The following PLCXD3 variants were observed in gnomAD, a reference collection of about 807,000 sequenced individuals.
PLCXD3 encodes the protein phosphatidylinositol specific phospholipase C X domain containing 3, also known as PI-PLC X domain-containing protein 3.
Under a neutral mutation model 25.5 loss-of-function variants are expected in PLCXD3, and 19 were observed. That is an observed-to-expected ratio of 0.75 (90% CI 0.52 to 1.09). PLCXD3 has a LOEUF of 1.09. Ranked by LOEUF, PLCXD3 falls within the 50% of genes least tolerant of loss-of-function variation. PLCXD3 has a pLI of 0.00. For synonymous variants in PLCXD3, 174 were observed against 137.6 expected (o/e 1.26, Z -1.85); for missense variants, 411 against 388.1 (o/e 1.06, Z -0.50).
chr5:41,402,883 T>C (rs1264216963), intron 1 of PLCXD3, among the ~76,000 whole-genome samples: 1 of 152,074 alleles, frequency 6.6e-6, no homozygotes, highest in Non-Finnish European at 1.5e-5. Flanking sequence ...TTTTAACTTA[T>C]TTGTGTTTAG....
At chr5:41,326,197 A>C (rs992848293) in intron 2 of PLCXD3, among the ~76,000 whole-genome samples, 1 of 152,132 alleles carries the variant, frequency 6.6e-6, no homozygotes, top group Non-Finnish European at 1.5e-5. Flanking sequence ...CATTCATCTA[A>C]CAAAGATGTA....
chr5:41,452,110 T>G (rs1747646378), intron 1 of PLCXD3, among the ~76,000 whole-genome samples: 1 of 152,066 alleles, frequency 6.6e-6, no homozygotes, highest in Admixed American at 6.6e-5. Flanking sequence ...TGAACAGCCC[T>G]GATTCTGTCT....
rs192453035 is a variant in PLCXD3 at position 41,387,029 on chromosome 5, C to T, written c.104-4495G>A. On this transcript the variant is annotated intron_variant, in intron 1 of 2. Coordinates refer to ENST00000377801, the MANE Select transcript of PLCXD3 (RefSeq NM_001005473.3). The stretch of plus-strand genomic sequence containing the variant: ...TGGTTATTCAGGGAGTTACTCCTCA[C>T]TGAGCACTCCATCTGCATATCATGC... Among the ~76,000 whole-genome samples, 34 of 152,188 alleles carry T rather than the reference C, an allele frequency of 2.2e-4. 1 individual carries two copies. In the East Asian group the frequency reaches 3.5e-3, roughly 16 times the overall value.
chr5:41,397,289 C>T (rs564947696), intron 1 of PLCXD3, among the ~76,000 whole-genome samples: 32 of 152,172 alleles, frequency 2.1e-4, no homozygotes, highest in Admixed American at 6.5e-4. Flanking sequence ...GCACTGCATT[C>T]CAGCTGCCCC....
At chr5:41,440,767 GTTAT>G (rs1266408014) in intron 1 of PLCXD3, among the ~76,000 whole-genome samples, 1 of 152,030 alleles carries the variant, frequency 6.6e-6, no homozygotes, top group Non-Finnish European at 1.5e-5. Flanking sequence ...CGATAACCGT[GTTAT>G]TTCTTTCTCC....
At chr5:41,391,563 G>T (rs190663723) in intron 1 of PLCXD3, among the ~76,000 whole-genome samples, 2 of 152,128 alleles carry the variant, frequency 1.3e-5, no homozygotes, top group Non-Finnish European at 2.9e-5. Flanking sequence ...AGTGATATCC[G>T]GGTACTACAT....
chr5:41,469,888 C>A (rs1460354340), intron 1 of PLCXD3, among the ~76,000 whole-genome samples: 3 of 152,090 alleles, frequency 2.0e-5, no homozygotes, highest in African/African-American at 4.8e-5. Context: ...TCTTAGGTAC[C>A]AATAAAGGTT....
intron 2 of PLCXD3, among the ~76,000 whole-genome samples, chr5:41,351,612 G>C (rs1744461632): frequency 6.6e-6 from 1 of 152,174 alleles, no homozygotes; most frequent in Non-Finnish European, 1.5e-5. Context: ...ACCTTGGCTT[G>C]TGGTCTTCAG....
intron 2 of PLCXD3, among the ~76,000 whole-genome samples, chr5:41,363,794 T>C (rs1274093207): frequency 6.6e-6 from 1 of 152,242 alleles, no homozygotes; most frequent in Non-Finnish European, 1.5e-5. Context: ...TTCTTAAAAT[T>C]GCTTCAGTAT....
chr5:41,427,396 T>TGAA (rs59008234), intron 1 of PLCXD3, among the ~76,000 whole-genome samples: 136,918 of 151,984 alleles, frequency 0.9, 62,072 homozygotes, highest in Non-Finnish European at 0.94. Flanking sequence ...TTAAATTCAG[T>TGAA]GAAGACTTGC....
At chr5:41,470,911 A>C (rs1193554991) in intron 1 of PLCXD3, among the ~76,000 whole-genome samples, 2 of 152,206 alleles carry the variant, frequency 1.3e-5, no homozygotes, top group East Asian at 1.9e-4. Context: ...AGTGCACCCT[A>C]TCAAAGCAAG....
At chr5:41,427,985 A>T (rs949080079) in intron 1 of PLCXD3, among the ~76,000 whole-genome samples, 1 of 152,168 alleles carries the variant, frequency 6.6e-6, no homozygotes, top group Admixed American at 6.5e-5. Flanking sequence ...TAGGGGAGCC[A>T]CCCTGTAAAT....
At chr5:41,489,714 C>G (rs914956517) in intron 1 of PLCXD3, among the ~76,000 whole-genome samples, 1 of 152,072 alleles carries the variant, frequency 6.6e-6, no homozygotes, top group African/African-American at 2.4e-5. Context: ...TGGGAGTTCA[C>G]TCATGATTTG....
At chr5:41,488,173 TG>T in intron 1 of PLCXD3, among the ~76,000 whole-genome samples, 2 of 149,928 alleles carry the variant, frequency 1.3e-5, no homozygotes, top group Non-Finnish European at 3.0e-5. Context: ...GAATATGCGG[TG>T]TTTGTTTGGT....
At chr5:41,417,758 C>T (rs911368302) in intron 1 of PLCXD3, among the ~76,000 whole-genome samples, 3 of 152,114 alleles carry the variant, frequency 2.0e-5, no homozygotes, top group Admixed American at 6.5e-5. Flanking sequence ...TAGGACTTTC[C>T]CAAGGAACCA....
At chr5:41,451,635 CT>C (rs1747633701) in intron 1 of PLCXD3, among the ~76,000 whole-genome samples, 1 of 150,234 alleles carries the variant, frequency 6.7e-6, no homozygotes, top group Non-Finnish European at 1.5e-5. Context: ...GAGATCTTTC[CT>C]CTCTCTTTTT....
intron 1 of PLCXD3, among the ~76,000 whole-genome samples, chr5:41,469,652 T>C (rs1306970925): frequency 6.6e-6 from 1 of 152,206 alleles, no homozygotes; most frequent in Admixed American, 6.5e-5. Flanking sequence ...TAATTGTTTG[T>C]AGTAGTTTTA....
At chr5:41,481,786 C>A (rs185226379) in intron 1 of PLCXD3, among the ~76,000 whole-genome samples, 2 of 152,216 alleles carry the variant, frequency 1.3e-5, no homozygotes, top group Non-Finnish European at 2.9e-5. Flanking sequence ...CTGGGATGAG[C>A]CCCTTAGCCA....
chr5:41,405,419 C>G (rs1178509715), intron 1 of PLCXD3, among the ~76,000 whole-genome samples: 2 of 152,086 alleles, frequency 1.3e-5, no homozygotes, highest in Non-Finnish European at 1.5e-5. Context: ...ACATTCATAT[C>G]GTCTACCCCT....
Sources: allele counts gnomAD v4.1 joint callset (sites outside exome capture counted in the v4.1 genomes callset), GRCh38; gene constraint gnomAD v4.1.1; transcripts MANE v1.5; gene names NCBI Gene and HGNC (gene_info 2026-07-23, HGNC 2026-07-21).